The following TSPAN9 variants were observed in gnomAD, a reference collection of about 807,000 sequenced individuals.
The protein encoded by TSPAN9 is tetraspanin-9.
Under a neutral mutation model 31.0 loss-of-function variants are expected in TSPAN9, and 16 were observed. The ratio of observed to expected loss-of-function variants is 0.52; its 90% CI spans 0.35 to 0.78. The LOEUF is 0.78. TSPAN9 is among the 30% of genes least tolerant of loss of function. The pLI, the probability that TSPAN9 is intolerant of heterozygous loss-of-function variation, is 0.01. For missense variants in TSPAN9, 272 were observed against 312.5 expected, an observed-to-expected ratio of 0.87 and a Z score of 0.98; for synonymous variants, 145 against 121.6, an observed-to-expected ratio of 1.19 and a Z score of -1.27.
chr12:3,200,029 C>G (rs571734101), intron 2 of TSPAN9: 2 of 152,708 alleles, frequency 1.3e-5, no homozygotes, highest in East Asian at 3.9e-4. Flanking sequence ...TTGCTTGGGC[C>G]GTGGGTACCT....
Position 3,198,836 on chromosome 12 carries a change from CACACCAGCACAGGT to C in TSPAN9, c.-17-2340_-17-2327del, listed in dbSNP as rs1467355739. Among the ~76,000 whole-genome samples the C allele has an allele frequency of 8.9e-4, 43 of 48,322 alleles. 5 individuals carry two copies. Among genetic ancestry groups the C allele is most frequent in the Admixed American group, 8.6e-4 (4 of 4,632 alleles). 31.7% of individuals were successfully genotyped at this position (48,322 alleles called of 152,430 possible). A position where few individuals can be genotyped will look rare whatever the true frequency, so the allele number is the denominator to read the frequency against. ...AGCACAGCTCACCACCAGCACAGGT[CACACCAGCACAGGT>C]CACCACCAGCACAGGCCACCACCAG... On this transcript the variant is annotated intron_variant, in intron 2 of 8. Coordinates refer to ENST00000011898, the MANE Select transcript of TSPAN9 (RefSeq NM_006675.5).
intron 3 of TSPAN9, chr12:3,273,120 G>A (rs1296460729): frequency 6.6e-6 from 1 of 152,246 alleles, no homozygotes; most frequent in African/African-American, 2.4e-5. Context: ...TCCGGAGTCA[G>A]GGCACGGCCC....
chr12:3,109,060 C>T (rs567924615), intron 2 of TSPAN9, among the ~76,000 whole-genome samples: 15 of 152,008 alleles, frequency 9.9e-5, no homozygotes, highest in East Asian at 5.8e-4. Context: ...CTCAGCCTCC[C>T]GAGTAGCTGG....
chr12:3,190,076 C>T (rs1312929160), intron 2 of TSPAN9, among the ~76,000 whole-genome samples: 1 of 152,222 alleles, frequency 6.6e-6, no homozygotes, highest in Non-Finnish European at 1.5e-5. Context: ...ACAGCACCCC[C>T]AAGTGCTGCT....
chr12:3,259,244 T>C (rs150615342), intron 3 of TSPAN9, among the ~76,000 whole-genome samples: 1,862 of 152,340 alleles, frequency 0.012, 13 homozygotes, highest in Middle Eastern at 0.044. Flanking sequence ...TTCTTGCTCT[T>C]CTTTGACAGA....
intron 3 of TSPAN9, among the ~76,000 whole-genome samples, chr12:3,266,420 A>C (rs1862538241): frequency 6.6e-6 from 1 of 152,242 alleles, no homozygotes. Flanking sequence ...ACTCGTCCAC[A>C]GCCACAGAAC....
At chr12:3,264,886 A>G (rs77629222) in intron 3 of TSPAN9, among the ~76,000 whole-genome samples, 2 of 152,348 alleles carry the variant, frequency 1.3e-5, no homozygotes, top group East Asian at 3.9e-4. Context: ...CTGGCTGGTA[A>G]ACGAGGGAAC....
In TSPAN9 at chr12:3,280,554, C is replaced by T. The variant is rs1862875340; in HGVS notation, c.432+71C>T. Reference sequence around the variant, plus strand: ...GGCGGCCGGTACTTCTAGCTGCCTTCCCCGGTGACCTGGCCGGGCACCTGT... The same window carrying T: ...GGCGGCCGGTACTTCTAGCTGCCTTTCCCGGTGACCTGGCCGGGCACCTGT... On this transcript the variant is annotated intron_variant, in intron 6 of 8. Coordinates refer to ENST00000011898, the MANE Select transcript of TSPAN9 (RefSeq NM_006675.5). The surrounding 1 kb of genome is among the most constrained non-coding windows in gnomAD (Gnocchi z 4.5). The T allele has an allele frequency of 2.8e-6, 4 of 1,406,248 alleles. No homozygotes were observed. The highest frequency in any genetic ancestry group is 3.9e-6 in the Non-Finnish European group (4 of 1,019,196). 87.1% of individuals were successfully genotyped at this position (1,406,248 alleles called of 1,614,324 possible). A position where few individuals can be genotyped will look rare whatever the true frequency, so the allele number is the denominator to read the frequency against.
chr12:3,121,641 G>C (rs142938786), intron 2 of TSPAN9, among the ~76,000 whole-genome samples: 15 of 142,154 alleles, frequency 1.1e-4, no homozygotes, highest in African/African-American at 3.9e-4. Context: ...GCCTCCCAAA[G>C]TGCTAGGGTT....
rs78635750 is a variant in TSPAN9 at position 3,143,580 on chromosome 12, G to C, written c.-17-57597G>C. On this transcript the variant is annotated intron_variant, in intron 2 of 8. Coordinates refer to ENST00000011898, the MANE Select transcript of TSPAN9 (RefSeq NM_006675.5). This position sits in a 1 kb window ranked among gnomAD's most constrained non-coding sequence, Gnocchi z 4.2. ...CTCATGGATATTTATTTACTTCACA[G>C]ATAAAAAGTATAAATGTATGGATAT... is the stretch of plus-strand genomic sequence containing the variant. 0.023 allele frequency among the ~76,000 whole-genome samples: 3,540 copies of C among 152,106 alleles called. 57 individuals carry two copies. The highest frequency in any genetic ancestry group is 0.032 in the Non-Finnish European group (2,144 of 68,010).
At chr12:3,262,463 C>T (rs1193431541) in intron 3 of TSPAN9, among the ~76,000 whole-genome samples, 1 of 151,168 alleles carries the variant, frequency 6.6e-6, no homozygotes. Flanking sequence ...TTTCTTTTTG[C>T]TATTTTCAAT....
At chr12:3,164,717 C>T (rs1156636344) in intron 2 of TSPAN9, among the ~76,000 whole-genome samples, 1 of 152,160 alleles carries the variant, frequency 6.6e-6, no homozygotes, top group Non-Finnish European at 1.5e-5. Context: ...TTGATCACAG[C>T]ACTGTTAACT....
At chr12:3,205,647 C>T (rs560365758) in intron 3 of TSPAN9, among the ~76,000 whole-genome samples, 1 of 151,970 alleles carries the variant, frequency 6.6e-6, no homozygotes, top group Non-Finnish European at 1.5e-5. Context: ...AGCTTGGGTT[C>T]AGACCTGGCC....
intron 3 of TSPAN9, among the ~76,000 whole-genome samples, chr12:3,269,199 CCTCT>C (rs1380668734): frequency 1.2e-5 from 1 of 81,018 alleles, no homozygotes; most frequent in East Asian, 4.2e-4. Flanking sequence ...TCCAGCCTGC[CCTCT>C]CTGTGTTCCT....
At chr12:3,193,095 T>C (rs1051804043) in intron 2 of TSPAN9, among the ~76,000 whole-genome samples, 4 of 152,124 alleles carry the variant, frequency 2.6e-5, no homozygotes, top group African/African-American at 9.7e-5. Context: ...ATTCTAGGCA[T>C]CCAGCAGTGG....
chr12:3,174,867 C>G (rs1348156173), intron 2 of TSPAN9, among the ~76,000 whole-genome samples: 2 of 152,244 alleles, frequency 1.3e-5, no homozygotes, highest in African/African-American at 4.8e-5. Context: ...CAGGCGTGAG[C>G]CACCGCACCC....
At chr12:3,250,352 C>T (rs934735367) in intron 3 of TSPAN9, among the ~76,000 whole-genome samples, 4 of 152,202 alleles carry the variant, frequency 2.6e-5, no homozygotes, top group African/African-American at 9.7e-5. Flanking sequence ...TGTGTTGGCC[C>T]TCTTCACTGT....
intron 2 of TSPAN9, among the ~76,000 whole-genome samples, chr12:3,090,656 C>G (rs2098303907): frequency 6.6e-6 from 1 of 152,248 alleles, no homozygotes; most frequent in Non-Finnish European, 1.5e-5. Flanking sequence ...GACTCCACCT[C>G]TTGGTGGGAA....
intron 3 of TSPAN9, among the ~76,000 whole-genome samples, chr12:3,251,468 T>A (rs1421019344): frequency 6.6e-6 from 1 of 152,206 alleles, no homozygotes; most frequent in African/African-American, 2.4e-5. Flanking sequence ...AGTTCTTTTT[T>A]CAAAAGTTGA....
Sources: allele counts gnomAD v4.1 joint callset (sites outside exome capture counted in the v4.1 genomes callset), GRCh38; gene constraint gnomAD v4.1.1; non-coding constraint Gnocchi (gnomAD v3.1); transcripts MANE v1.5; gene names NCBI Gene and HGNC (gene_info 2026-07-23, HGNC 2026-07-21).